Variants in AGAP1 observed in about 807,000 individuals in gnomAD.
AGAP1 encodes ArfGAP with GTPase domain, ankyrin repeat and PH domain 1, also known as arf-GAP with GTPase, ANK repeat and PH domain-containing protein 1.
A neutral mutation model predicts 105.3 loss-of-function variants in AGAP1; 29 were observed. The ratio of observed to expected loss-of-function variants is 0.28; its 90% CI spans 0.21 to 0.38. AGAP1 has a LOEUF of 0.38. Ranked by LOEUF, AGAP1 falls within the 10% of genes least tolerant of loss-of-function variation. The pLI is 1.00. For synonymous variants in AGAP1, 509 were observed against 485.9 expected (o/e 1.05, Z -0.63); for missense variants, 998 against 1,165.1 (o/e 0.86, Z 2.09).
chr2:236,068,797 CAAAAAAAAA>C (rs35724496), intron 16 of AGAP1, among the ~76,000 whole-genome samples: 4 of 57,592 alleles, frequency 6.9e-5, no homozygotes, highest in South Asian at 6.5e-4. Flanking sequence ...GACTCCGTCT[CAAAAAAAAA>C]AAAAAAAAAA....
At chr2:235,718,877 A>G (rs577064162) in intron 3 of AGAP1, among the ~76,000 whole-genome samples, 1 of 152,188 alleles carries the variant, frequency 6.6e-6, no homozygotes, top group African/African-American at 2.4e-5. Context: ...TGATTTGGAG[A>G]AATGAGCAAA....
At chr2:235,910,375 T>A (rs964923009) in intron 11 of AGAP1, among the ~76,000 whole-genome samples, 1 of 30,466 alleles carries the variant, frequency 3.3e-5, no homozygotes, top group Non-Finnish European at 5.9e-5. Flanking sequence ...AAGTTAAAAC[T>A]GGCTTTATGC....
At chr2:236,028,410 C>G (rs1468697961) in intron 13 of AGAP1, among the ~76,000 whole-genome samples, 1 of 152,122 alleles carries the variant, frequency 6.6e-6, no homozygotes, top group Non-Finnish European at 1.5e-5. Flanking sequence ...CCTTTATGTT[C>G]TTACTTTTAG....
At chr2:235,713,263 G>A (rs1453275167) in intron 2 of AGAP1, among the ~76,000 whole-genome samples, 2 of 152,216 alleles carry the variant, frequency 1.3e-5, no homozygotes, top group Non-Finnish European at 2.9e-5. Context: ...TGAAGCGGGT[G>A]CCCTTGAGCA....
In AGAP1 at chr2:235,959,199, T is replaced by G. The variant is rs984244681; in HGVS notation, c.1484-9263T>G. ...GTCGTCTGTCCCGGTGCCCGGTAATTGATACAAAATAAAATGCATTCTTTG... is the reference window on the plus strand; with the variant it reads ...GTCGTCTGTCCCGGTGCCCGGTAATGGATACAAAATAAAATGCATTCTTTG... On this transcript the variant is annotated intron_variant, in intron 12 of 17. Transcript: ENST00000304032. This position sits in a 1 kb window ranked among gnomAD's most constrained non-coding sequence, Gnocchi z 7.3. Among the ~76,000 whole-genome samples, 1 of 152,210 alleles carries G rather than the reference T, an allele frequency of 6.6e-6. No individual in the cohort carries two copies. The highest frequency in any genetic ancestry group is 2.4e-5 in the African/African-American group (1 of 41,456).
At chr2:235,670,287 C>G (rs1463645145) in intron 1 of AGAP1, 1 of 441,966 alleles carries the variant, frequency 2.3e-6, no homozygotes, top group Non-Finnish European at 3.9e-6. Flanking sequence ...GCGCGCTCCC[C>G]GGACGCGCCC....
At position 235,883,307 on chromosome 2, in the gene AGAP1, T is replaced by C; in HGVS notation, c.1051-38T>C. 7 of 1,584,194 alleles carry C rather than the reference T, an allele frequency of 4.4e-6. No homozygotes were observed. Among genetic ancestry groups the C allele is most frequent in the Non-Finnish European group, 6.1e-6 (7 of 1,155,952 alleles). Reference sequence around the variant, plus strand: ...GTACCTGCCTTTTCTTTTTTTTATTTACATTAGAATTTCTATTTGGCTCTT... The same window carrying C: ...GTACCTGCCTTTTCTTTTTTTTATTCACATTAGAATTTCTATTTGGCTCTT... On this transcript the variant is annotated intron_variant, in intron 9 of 17. Coordinates refer to ENST00000304032, the MANE Select transcript of AGAP1 (RefSeq NM_001037131.3). The surrounding 1 kb of genome is among the most constrained non-coding windows in gnomAD (Gnocchi z 4.5).
intron 1 of AGAP1, among the ~76,000 whole-genome samples, chr2:235,669,073 G>A (rs1455264225): frequency 2.0e-5 from 3 of 152,134 alleles, no homozygotes; most frequent in African/African-American, 7.2e-5. Context: ...TAGCCATGGA[G>A]GTTTATCTGG....
intron 16 of AGAP1, among the ~76,000 whole-genome samples, chr2:236,054,480 T>TAA (rs10560456): frequency 2.4e-4 from 27 of 112,806 alleles, no homozygotes; most frequent in African/African-American, 6.3e-4. Context: ...TTTTCTTTCT[T>TAA]AAAAAAAAAA....
chr2:235,522,392 T>C (rs1358465083), intron 1 of AGAP1, among the ~76,000 whole-genome samples: 2 of 152,180 alleles, frequency 1.3e-5, no homozygotes, highest in African/African-American at 2.4e-5. Context: ...CGTAAGACGC[T>C]CAGCCTCTCT....
chr2:235,545,966 CT>C (rs1340192054), intron 1 of AGAP1, among the ~76,000 whole-genome samples: 1 of 152,254 alleles, frequency 6.6e-6, no homozygotes, highest in African/African-American at 2.4e-5. Flanking sequence ...CCCTTCGCCC[CT>C]AGGCACCTTG....
In AGAP1 at chr2:235,716,011, G is replaced by A. The variant is rs527977975; in HGVS notation, c.223-1546G>A. Reference sequence around the variant, plus strand: ...GTCCTGGTGGGAGCTAAGTAGGGGCGCCTGGAGCTGGGGTGGACGGCGGCC... The same window carrying A: ...GTCCTGGTGGGAGCTAAGTAGGGGCACCTGGAGCTGGGGTGGACGGCGGCC... On this transcript the variant is annotated intron_variant, in intron 2 of 17. Coordinates refer to ENST00000304032, the MANE Select transcript of AGAP1 (RefSeq NM_001037131.3). This position sits in a 1 kb window ranked among gnomAD's most constrained non-coding sequence, Gnocchi z 4.0. Among the ~76,000 whole-genome samples, 12 of 152,336 alleles carry A rather than the reference G, an allele frequency of 7.9e-5. No homozygotes were observed. In the East Asian group the frequency reaches 1.4e-3, roughly 17 times the overall value.
intron 1 of AGAP1, among the ~76,000 whole-genome samples, chr2:235,519,758 C>T (rs1401235663): frequency 6.6e-6 from 1 of 152,118 alleles, no homozygotes; most frequent in Non-Finnish European, 1.5e-5. Context: ...TGTATATACC[C>T]TGCCACCTAC....
At chr2:235,782,552 A>G (rs969580244) in intron 6 of AGAP1, among the ~76,000 whole-genome samples, 11 of 152,112 alleles carry the variant, frequency 7.2e-5, no homozygotes, top group African/African-American at 1.2e-4. Flanking sequence ...ATTAACTGGC[A>G]CAGATCTGAG....
At chr2:235,817,845 C>T (rs746818824) in intron 9 of AGAP1, among the ~76,000 whole-genome samples, 6 of 152,096 alleles carry the variant, frequency 3.9e-5, no homozygotes, top group African/African-American at 1.2e-4. Context: ...GGGCTGCGAT[C>T]GCACCACTGC....
Position 236,120,027 on chromosome 2 carries a change from G to T in AGAP1, c.2115-165G>T, listed in dbSNP as rs1043577992. ...GCTGCTGGTGAGGATACTGTTTTGT[G>T]AAGGTGGATAAACGTTTCCCCCAGG... On this transcript the variant is annotated intron_variant, in intron 16 of 17. Coordinates refer to ENST00000304032, the MANE Select transcript of AGAP1 (RefSeq NM_001037131.3). This position sits in a 1 kb window ranked among gnomAD's most constrained non-coding sequence, Gnocchi z 6.0. 6.6e-6 allele frequency among the ~76,000 whole-genome samples: 1 copy of T among 152,200 alleles called. No homozygotes were observed. Among genetic ancestry groups the T allele is most frequent in the African/African-American group, 2.4e-5 (1 of 41,460 alleles).
rs1374225143 is a variant in AGAP1, at chr2:235,692,927, G to A, written c.164-16252G>A. Among the ~76,000 whole-genome samples the A allele has an allele frequency of 2.0e-5, 3 of 152,148 alleles. No individual in the cohort carries two copies. The South Asian group carries it at 6.2e-4, about 32-fold the overall frequency. The stretch of plus-strand genomic sequence containing the variant: ...GCAGTGAGCAGGACCTGTTGCTGTC[G>A]GTGGTGGCATCAGTGGAGTTGGCAG... On this transcript the variant is annotated intron_variant, in intron 1 of 17. Coordinates refer to ENST00000304032, the MANE Select transcript of AGAP1 (RefSeq NM_001037131.3). The surrounding 1 kb of genome is among the most constrained non-coding windows in gnomAD (Gnocchi z 5.8).
rs1033246923 is a variant in AGAP1, at chr2:235,737,830, G to A, written c.311-3133G>A. Among the ~76,000 whole-genome samples, 11 of 152,106 alleles carry A rather than the reference G, an allele frequency of 7.2e-5. No individual in the cohort carries two copies. The highest frequency in any genetic ancestry group is 2.7e-4 in the African/African-American group (11 of 41,422). ...ACTCCTCCCTTCTTGCTCTGGAGGT[G>A]ACACAGTCTAGGGATCTAGTGAGGA... On this transcript the variant is annotated intron_variant, in intron 3 of 17. Transcript: ENST00000304032. This position sits in a 1 kb window ranked among gnomAD's most constrained non-coding sequence, Gnocchi z 4.5.
intron 16 of AGAP1, among the ~76,000 whole-genome samples, chr2:236,075,496 G>C (rs927048514): frequency 1.3e-5 from 2 of 152,146 alleles, no homozygotes; most frequent in Non-Finnish European, 2.9e-5. Flanking sequence ...CTGTGTTCTG[G>C]CCTTGGGTGA....
Sources: allele counts gnomAD v4.1 joint callset (sites outside exome capture counted in the v4.1 genomes callset), GRCh38; gene constraint gnomAD v4.1.1; non-coding constraint Gnocchi (gnomAD v3.1); transcripts MANE v1.5; gene names NCBI Gene and HGNC (gene_info 2026-07-23, HGNC 2026-07-21).